The following NLRP1 variants were observed in gnomAD, a reference collection of about 807,000 sequenced individuals.
NLRP1 encodes the protein NACHT, LRR and PYD domains-containing protein 1.
Under a neutral mutation model 136.7 loss-of-function variants are expected in NLRP1, and 94 were observed. That is an observed-to-expected ratio of 0.69 (90% CI 0.58 to 0.82). The LOEUF is 0.82. NLRP1 is among the 40% of genes least tolerant of loss of function. The pLI is 0.00. For synonymous variants in NLRP1, 690 were observed against 725.1 expected (o/e 0.95, Z 0.78); for missense variants, 1,575 against 1,802.7 (o/e 0.87, Z 2.29).
In NLRP1 at chr17:5,533,957, G is replaced by C; in HGVS notation, c.2992C>G (p.Leu998Val). The change falls in exon 9 of 17, where the codon CTG becomes GTG. Residue 998 changes from leucine to valine, a missense_variant. Physicochemically the swap from Leu to Val is conservative, Grantham distance 32 (BLOSUM62 1). Coordinates refer to ENST00000572272, the MANE Select transcript of NLRP1 (RefSeq NM_033004.4). ...KPSVMTPTEG[L>V]DTGEMSNSTS... ...CTATTACTCATCTCTCCCGTATCCA[G>C]GCCCTCAGTAGGGGTCATCACACTT... 1.2e-6 allele frequency: 2 copies of C among 1,613,302 alleles called. No individual in the cohort carries two copies. The highest frequency in any genetic ancestry group is 1.7e-6 in the Non-Finnish European group (2 of 1,179,352).
chr17:5,563,707 A>G (rs12939326), intron 3 of NLRP1, among the ~76,000 whole-genome samples: 10,034 of 152,268 alleles, frequency 0.066, 417 homozygotes, highest in African/African-American at 0.11. Flanking sequence ...ATTTGAAGAT[A>G]TTGTCCACAA....
chr17:5,560,140 C>A, intron 3 of NLRP1, 97 bp from the exon 4 acceptor site: 2 of 1,130,360 alleles, frequency 1.8e-6, no homozygotes, highest in Admixed American at 5.8e-5. Flanking sequence ...CCAAGCCACA[C>A]ACTGCGCTGT....
At chr17:5,553,296 T>C in intron 5 of NLRP1, 90 bp downstream of exon 5, 2 of 1,236,892 alleles carry the variant, frequency 1.6e-6, no homozygotes, top group Non-Finnish European at 2.2e-6. Context: ...ATTTGATAAA[T>C]ACAAAGACAA....
At chr17:5,501,914 C>T (rs199979841) in intron 15 of NLRP1, 2 of 1,577,542 alleles carry the variant, frequency 1.3e-6, no homozygotes, top group African/African-American at 2.7e-5. Flanking sequence ...TATTTGAGTC[C>T]CAGTAGATTG....
At position 5,539,596 on chromosome 17, in the gene NLRP1, G is replaced by A; in HGVS notation, c.2700-11C>T. Reference sequence around the variant, plus strand: ...CCACAGCTGACCAGCCTGCAGGAAAGATACACGCCAGCCCAGGTCATTGTC... The same window carrying A: ...CCACAGCTGACCAGCCTGCAGGAAAAATACACGCCAGCCCAGGTCATTGTC... On this transcript the variant is annotated splice_polypyrimidine_tract_variant and intron_variant, in intron 6 of 16. Transcript: ENST00000572272. The A allele has an allele frequency of 6.2e-7, 1 of 1,601,814 alleles. No homozygotes were observed. The highest frequency in any genetic ancestry group is 8.5e-7 in the Non-Finnish European group (1 of 1,174,468).
Position 5,582,085 on chromosome 17 carries a change from T to C in NLRP1, c.449-23A>G, listed in dbSNP as rs1031679872. 2.6e-6 allele frequency: 4 copies of C among 1,564,164 alleles called. No individual in the cohort carries two copies. In the African/African-American group the frequency reaches 5.4e-5, roughly 21 times the overall value. On this transcript the variant is annotated intron_variant, in intron 2 of 16. Transcript: ENST00000572272. ...TTTCTGGGGGGAATGAAAAGAAAAATAACCATTTACTGAACATTTATTTTC... is the reference window on the plus strand; with the variant it reads ...TTTCTGGGGGGAATGAAAAGAAAAACAACCATTTACTGAACATTTATTTTC...
At position 5,521,705 on chromosome 17, in the gene NLRP1, T is replaced by C; in HGVS notation, c.3602A>G (p.Glu1201Gly). 1 of 1,613,544 alleles carries C rather than the reference T, an allele frequency of 6.2e-7. No homozygotes were observed. The part of the protein sequence containing the change: ...GMLLEKPARV[E>G]LHHIVLENPS... ...GTTTTCCAGAACTATGTGATGCAGCTCCACCCTGGCTGGCTTCTCCAGGAG... is the reference window on the plus strand; with the variant it reads ...GTTTTCCAGAACTATGTGATGCAGCCCCACCCTGGCTGGCTTCTCCAGGAG... The change falls in exon 13 of 17, where the codon GAG (glutamate) becomes GGG (glycine). Residue 1201 changes from glutamate to glycine, a missense_variant. By Grantham distance (98) the Glu-to-Gly change is moderately conservative. Coordinates refer to ENST00000572272, the MANE Select transcript of NLRP1 (RefSeq NM_033004.4).
chr17:5,561,061 T>A (rs1189131443), intron 3 of NLRP1, among the ~76,000 whole-genome samples: 1 of 152,228 alleles, frequency 6.6e-6, no homozygotes, highest in Non-Finnish European at 1.5e-5. Flanking sequence ...CATTTTATTT[T>A]ATTTATTTTT....
intron 3 of NLRP1, 119 bp from the exon 4 acceptor site, chr17:5,560,162 G>A: frequency 1.1e-6 from 1 of 932,348 alleles, no homozygotes. Flanking sequence ...TGCAGACACT[G>A]GTATGTTCTT....
rs760467296 is a variant in NLRP1 at position 5,515,475 on chromosome 17, A to T, written c.4100T>A (p.Ile1367Lys). 6.2e-7 allele frequency: 1 copy of T among 1,612,848 alleles called. No individual in the cohort carries two copies. ...PATTLIPPAR[I>K]AVPSPLDAPQ... ...GGTCTCTGAGAGCTGTTACTGACCT[A>T]TGCGGGCTGGAGGGATCAGAGTAGT... Residue 1367 changes from isoleucine (I) to lysine (K), a missense_variant and splice_region_variant, in exon 16 of 17, where the codon ATA becomes AAA. Physicochemically the swap from Ile to Lys is moderately radical, Grantham distance 102. Coordinates refer to ENST00000572272, the MANE Select transcript of NLRP1 (RefSeq NM_033004.4).
intron 15 of NLRP1, 41 bp from the exon 16 acceptor site, chr17:5,515,558 T>C (rs1460150023): frequency 6.6e-7 from 1 of 1,506,118 alleles, no homozygotes; most frequent in Non-Finnish European, 9.2e-7. Flanking sequence ...GAAACAGTGC[T>C]AAGTTATTAA....
chr17:5,574,880 G>A (rs368531318), intron 3 of NLRP1, among the ~76,000 whole-genome samples: 4 of 152,036 alleles, frequency 2.6e-5, no homozygotes, highest in South Asian at 4.2e-4. Context: ...TAGCCAGGAC[G>A]GTCTCGATCT....
chr17:5,511,505 C>T (rs1907626324), downstream of NLRP1, among the ~76,000 whole-genome samples: 3 of 152,206 alleles, frequency 2.0e-5, no homozygotes. Context: ...TCCCCACACA[C>T]TTGTTTGTGT....
chr17:5,515,272 G>A (rs912643403), intron 16 of NLRP1, among the ~76,000 whole-genome samples, 199 bp from the exon 17 acceptor site: 1 of 152,226 alleles, frequency 6.6e-6, no homozygotes. Context: ...GCACATTGGA[G>A]GCTGTCAGAT....
intron 3 of NLRP1, among the ~76,000 whole-genome samples, chr17:5,569,957 G>A (rs2151816384): frequency 6.6e-6 from 1 of 152,146 alleles, no homozygotes; most frequent in South Asian, 2.1e-4. Context: ...TCAATACTAA[G>A]AAGATAGCTC....
chr17:5,530,025 G>A, intron 12 of NLRP1: 1 of 456,930 alleles, frequency 2.2e-6, no homozygotes, highest in Non-Finnish European at 4.4e-6. Flanking sequence ...CCAGCTCTCA[G>A]ATGGCGTCTG....
chr17:5,578,655 T>C (rs1386534553), intron 3 of NLRP1, among the ~76,000 whole-genome samples: 2 of 152,204 alleles, frequency 1.3e-5, no homozygotes, highest in African/African-American at 4.8e-5. Context: ...ACTTTTACAC[T>C]GTTGGTGGGA....
At position 5,583,732 on chromosome 17, in the gene NLRP1, G is replaced by A; in HGVS notation, c.226C>T (p.Gln76Ter). Residue 76 changes from glutamine to a stop codon, truncating the protein, a stop_gained, in exon 1 of 17, where the codon CAG becomes TAG. Transcript: ENST00000572272. LOFTEE classifies it high-confidence loss of function. This position sits in a 1 kb window ranked among gnomAD's most constrained non-coding sequence, Gnocchi z 4.5. ...AWDLALHTWE[Q>*]MGLRSLCAQA... ...GCGCACAGTGACCTCAGCCCCATCT[G>A]CTCCCAGGTATGGAGGGCTAGGTCC... 6.4e-7 allele frequency: 1 copy of A among 1,553,502 alleles called. No individual in the cohort carries two copies. Among genetic ancestry groups the A allele is most frequent in the Admixed American group, 1.9e-5 (1 of 51,468 alleles).
chr17:5,583,624 G>A lies in NLRP1; in HGVS notation c.271+63C>T, dbSNP rs1184132859. ...AGGGCTCAGTGGTGGGGTCCCAAGA[G>A]GGCAGGGCAGGCATGAGGGCCAGGG... On this transcript the variant is annotated intron_variant, in intron 1 of 16. Coordinates refer to ENST00000572272, the MANE Select transcript of NLRP1 (RefSeq NM_033004.4). The surrounding 1 kb of genome is among the most constrained non-coding windows in gnomAD (Gnocchi z 4.5). The A allele has an allele frequency of 2.0e-6, 3 of 1,490,020 alleles. No individual in the cohort carries two copies. The East Asian group carries it at 7.4e-5, about 37-fold the overall frequency. 92.3% of individuals were successfully genotyped at this position (1,490,020 alleles called of 1,614,324 possible).
Sources: allele counts gnomAD v4.1 joint callset (sites outside exome capture counted in the v4.1 genomes callset), GRCh38; gene constraint gnomAD v4.1.1; non-coding constraint Gnocchi (gnomAD v3.1); transcripts MANE v1.5; gene names NCBI Gene and HGNC (gene_info 2026-07-23, HGNC 2026-07-21).